IARS2: variants seen among roughly 807,000 people sequenced by gnomAD.
IARS2 encodes the protein isoleucyl-tRNA synthetase 2, mitochondrial, also known as isoleucine--tRNA ligase, mitochondrial.
IARS2 carries 56 observed loss-of-function variants against 126.3 expected under a neutral mutation model. The observed-to-expected ratio is 0.44, with a 90% CI of 0.36 to 0.55. The LOEUF (loss-of-function observed/expected upper bound fraction) is 0.55, where lower values mean the gene tolerates loss of function less well. IARS2 is among the 20% of genes least tolerant of loss of function. The pLI, the probability that IARS2 is intolerant of heterozygous loss-of-function variation, is 0.00. For missense variants in IARS2, 1,127 were observed against 1,245.9 expected (o/e 0.90, Z 1.44); for synonymous variants, 407 against 441.1 (o/e 0.92, Z 0.97).
intron 10 of IARS2, among the ~76,000 whole-genome samples, chr1:220,107,799 G>GCCT (rs1656712312): frequency 6.6e-6 from 1 of 152,126 alleles, no homozygotes; most frequent in Non-Finnish European, 1.5e-5. Context: ...ATCCTTACTT[G>GCCT]CCTCTTTCTA....
chr1:220,137,541 G>T, intron 16 of IARS2: 1 of 164,184 alleles, frequency 6.1e-6, no homozygotes, highest in South Asian at 1.8e-4. Context: ...TCATTGTTTT[G>T]TGTACAGAGT....
chr1:220,100,758 A>G (rs1364864054), intron 3 of IARS2, 109 bp downstream of exon 3: 2 of 758,126 alleles, frequency 2.6e-6, no homozygotes, highest in Non-Finnish European at 4.1e-6. Context: ...GTTTGCTTAT[A>G]ATAAGATCTA....
At chr1:220,124,152 C>T (rs1288599704) in intron 12 of IARS2, among the ~76,000 whole-genome samples, 1 of 152,128 alleles carries the variant, frequency 6.6e-6, no homozygotes, top group East Asian at 1.9e-4. Flanking sequence ...TGAAAAGCAA[C>T]TAGAGGAAGC....
chr1:220,145,770 C>A, intron 22 of IARS2, 117 bp downstream of exon 22: 1 of 748,560 alleles, frequency 1.3e-6, no homozygotes, highest in South Asian at 3.2e-5. Context: ...TGGAATACAT[C>A]TTTCTATGGA....
chr1:220,094,534 C>T (rs1342655168), intron 1 of IARS2, 51 bp downstream of exon 1: 5 of 1,460,704 alleles, frequency 3.4e-6, no homozygotes, highest in Non-Finnish European at 4.5e-6. Flanking sequence ...GATCCGGCCG[C>T]GGGCACCGGG....
intron 12 of IARS2, among the ~76,000 whole-genome samples, chr1:220,122,178 TTTTC>T (rs1299591470): frequency 6.6e-6 from 1 of 152,220 alleles, no homozygotes; most frequent in Non-Finnish European, 1.5e-5. Context: ...TATTAGGACT[TTTTC>T]TTTTAAGAAT....
intron 3 of IARS2, 101 bp downstream of exon 3, chr1:220,100,750 T>G: frequency 1.2e-6 from 1 of 851,208 alleles, no homozygotes; most frequent in Middle Eastern, 3.6e-4. Flanking sequence ...TGGGTTTCGT[T>G]TGCTTATAAT....
At chr1:220,138,265 G>A (rs1398252870) in intron 17 of IARS2, among the ~76,000 whole-genome samples, 2 of 152,156 alleles carry the variant, frequency 1.3e-5, no homozygotes, top group Non-Finnish European at 2.9e-5. Context: ...GAGGTCAGGA[G>A]TTCGAGACTA....
In IARS2 at chr1:220,134,542, G is replaced by A. The variant is rs748144520; in HGVS notation, c.1946+32G>A. ...ATTTATGCCTGAACCAACCTGCTGAGTACCTGCCAGTGTGTGAAGCACTAT... is the reference window on the plus strand; with the variant it reads ...ATTTATGCCTGAACCAACCTGCTGAATACCTGCCAGTGTGTGAAGCACTAT... On this transcript the variant is annotated intron_variant, in intron 15 of 22. Transcript: ENST00000366922. 6.6e-6 allele frequency: 9 copies of A among 1,360,522 alleles called. No individual in the cohort carries two copies. In the Admixed American group the frequency reaches 1.3e-4, roughly 19 times the overall value. 84.3% of individuals were successfully genotyped at this position (1,360,522 alleles called of 1,614,324 possible).
chr1:220,127,522 T>TA (rs1286389505), intron 14 of IARS2, among the ~76,000 whole-genome samples: 1 of 152,170 alleles, frequency 6.6e-6, no homozygotes, highest in African/African-American at 2.4e-5. Flanking sequence ...AGTGAAAAGA[T>TA]AGAGTTCAAA....
chr1:220,094,724 G>C (rs1191141100), intron 1 of IARS2, among the ~76,000 whole-genome samples: 1 of 152,232 alleles, frequency 6.6e-6, no homozygotes, highest in East Asian at 1.9e-4. Context: ...GGGGTCACTA[G>C]CGATGCCCAG....
rs1346302611 is a variant in IARS2 at position 220,145,641 on chromosome 1, A to G, written c.2884A>G (p.Ile962Val). 4 of 1,612,508 alleles carry G rather than the reference A, an allele frequency of 2.5e-6. No individual in the cohort carries two copies. Among genetic ancestry groups the G allele is most frequent in the South Asian group, 1.1e-5 (1 of 90,794 alleles). ...AATCGAGCTTAAAGGGAAATTCCTC[A>G]TCAACTTAGAAGGTAAGAAGGAGAT... is the stretch of plus-strand genomic sequence containing the variant. ...DVIELKGKFL[I>V]NLEGGDIREE... Residue 962 changes from isoleucine to valine, a missense_variant, in exon 22 of 23, where the codon ATC becomes GTC. Transcript: ENST00000366922.
chr1:220,147,867 ATATATG>A lies in IARS2; in HGVS notation c.*238_*243del, dbSNP rs2102845751. ...TATGTGTGTGTGTATCTGTGGATGG[ATATATG>A]TATATCTCTTCCTATATATATCCAT... On this transcript the variant is annotated 3_prime_UTR_variant, in exon 23 of 23. Transcript: ENST00000366922. 1.9e-6 allele frequency: 1 copy of A among 513,750 alleles called. No homozygotes were observed. Among genetic ancestry groups the A allele is most frequent in the Non-Finnish European group, 3.4e-6 (1 of 290,388 alleles). 31.8% of individuals were successfully genotyped at this position (513,750 alleles called of 1,614,324 possible). A position where few individuals can be genotyped will look rare whatever the true frequency, so the allele number is the denominator to read the frequency against.
chr1:220,103,063 G>A (rs769495634), intron 7 of IARS2, among the ~76,000 whole-genome samples: 8 of 150,212 alleles, frequency 5.3e-5, no homozygotes, highest in Non-Finnish European at 1.2e-4. Flanking sequence ...TTTGGAGACC[G>A]AGTTTTGCCT....
chr1:220,097,556 G>A (rs983374043), intron 2 of IARS2, among the ~76,000 whole-genome samples: 2 of 151,464 alleles, frequency 1.3e-5, no homozygotes, highest in Admixed American at 6.6e-5. Flanking sequence ...GTAGAGAGGG[G>A]GTTTCACTGT....
At position 220,096,233 on chromosome 1, in the gene IARS2, A is replaced by G. The variant is rs35204279; in HGVS notation, c.390+7A>G. On this transcript the variant is annotated splice_region_variant and intron_variant, in intron 2 of 22. Coordinates refer to ENST00000366922, the MANE Select transcript of IARS2 (RefSeq NM_018060.4). ...TGGACATGCTTTAAATAAGGTAACT[A>G]TAATTTAGGTTATGACACTTGAAAG... 1.8e-3 allele frequency: 2,846 copies of G among 1,555,832 alleles called. 6 individuals are homozygous for G. Among genetic ancestry groups the G allele is most frequent in the Non-Finnish European group, 1.7e-3 (1,990 of 1,151,580 alleles).
chr1:220,102,630 T>C (rs1379992252), intron 6 of IARS2, 26 bp downstream of exon 6: 5 of 1,585,560 alleles, frequency 3.2e-6, no homozygotes, highest in African/African-American at 1.3e-5. Flanking sequence ...AGCTTGAGTG[T>C]ACCAAAGTTA....
intron 14 of IARS2, among the ~76,000 whole-genome samples, chr1:220,133,095 C>T (rs1193735329): frequency 2.0e-5 from 3 of 151,770 alleles, no homozygotes; most frequent in Non-Finnish European, 4.4e-5. Flanking sequence ...ACTGTAACCT[C>T]CACCTCCCAG....
intron 22 of IARS2, 77 bp from the exon 23 acceptor site, chr1:220,147,416 C>T: frequency 2.2e-6 from 3 of 1,394,366 alleles, no homozygotes; most frequent in Non-Finnish European, 3.0e-6. Flanking sequence ...GAAAAAGAAG[C>T]CTCTGCTAAA....
Sources: allele counts gnomAD v4.1 joint callset (sites outside exome capture counted in the v4.1 genomes callset), GRCh38; gene constraint gnomAD v4.1.1; transcripts MANE v1.5; gene names NCBI Gene and HGNC (gene_info 2026-07-23, HGNC 2026-07-21).